Variants in NKD2 observed in about 807,000 individuals in gnomAD.
NKD2 encodes protein naked cuticle homolog 2.
NKD2 carries 43 observed loss-of-function variants against 34.8 expected under a neutral mutation model. That is an observed-to-expected ratio of 1.24 (90% CI 0.97 to 1.60). The LOEUF (loss-of-function observed/expected upper bound fraction) is 1.60, where lower values mean the gene tolerates loss of function less well. NKD2 is among the 40% of genes most tolerant of loss of function. The pLI, the probability that NKD2 is intolerant of heterozygous loss-of-function variation, is 0.00. For synonymous variants in NKD2, 278 were observed against 265.1 expected (o/e 1.05, Z -0.47); for missense variants, 675 against 627.1 (o/e 1.08, Z -0.82).
intron 3 of NKD2, among the ~76,000 whole-genome samples, chr5:1,010,276 T>C (rs1755700371): frequency 1.3e-5 from 2 of 152,172 alleles, no homozygotes; most frequent in Admixed American, 6.5e-5. Context: ...AAGCTAACAT[T>C]TGATGGTCAT....
chr5:1,013,181 G>T (rs1212974513), intron 3 of NKD2, among the ~76,000 whole-genome samples: 7 of 152,224 alleles, frequency 4.6e-5, no homozygotes, highest in African/African-American at 1.7e-4. Flanking sequence ...GGGAGCAGGG[G>T]TGCCTGGGGA....
chr5:1,011,918 A>AAGGGCC (rs1439273344), intron 3 of NKD2, among the ~76,000 whole-genome samples: 3 of 152,198 alleles, frequency 2.0e-5, no homozygotes. Flanking sequence ...AGTGTCCCTG[A>AAGGGCC]AGGGCTAGGG....
rs371845156 is a variant in NKD2 at position 1,037,792 on chromosome 5, C to T, written c.788-13C>T. On this transcript the variant is annotated splice_polypyrimidine_tract_variant and intron_variant, in intron 9 of 9. Transcript: ENST00000296849. ...GCACTCCCAGGGCCTCACACTCTGACCTGTGTCCGCAGGGTCCCCTCCTGT... is the reference window on the plus strand; with the variant it reads ...GCACTCCCAGGGCCTCACACTCTGATCTGTGTCCGCAGGGTCCCCTCCTGT... The T allele has an allele frequency of 1.9e-6, 3 of 1,563,874 alleles. No individual in the cohort carries two copies. Among genetic ancestry groups the T allele is most frequent in the Admixed American group, 1.8e-5 (1 of 56,780 alleles).
At chr5:1,015,313 G>A (rs1214240973) in intron 3 of NKD2, among the ~76,000 whole-genome samples, 1 of 152,246 alleles carries the variant, frequency 6.6e-6, no homozygotes, top group Non-Finnish European at 1.5e-5. Flanking sequence ...GTGGGTGGGA[G>A]TGGGGTCCAC....
At position 1,034,859 on chromosome 5, in the gene NKD2, C is replaced by T; in HGVS notation, c.530C>T (p.Pro177Leu). The change falls in exon 7 of 10, where the codon CCT becomes CTT. Residue 177 changes from proline to leucine, a missense_variant. Physicochemically the swap from Pro to Leu is moderately conservative, Grantham distance 98. Coordinates refer to ENST00000296849, the MANE Select transcript of NKD2 (RefSeq NM_033120.4). The part of the protein sequence containing the change: ...KTLRVKLTVS[P>L]EPSSKRKEGP... The stretch of plus-strand genomic sequence containing the variant: ...CTCCGTGTGAAGCTAACCGTCAGCC[C>T]TGAGCCCTCCAGCAAGAGGAAGGAG... 1 of 1,612,632 alleles carries T rather than the reference C, an allele frequency of 6.2e-7. No homozygotes were observed. The highest frequency in any genetic ancestry group is 1.1e-5 in the South Asian group (1 of 91,034).
In NKD2 at chr5:1,027,054, G is replaced by A. The variant is rs963731446; in HGVS notation, c.142-5098G>A. Among the ~76,000 whole-genome samples the A allele has an allele frequency of 2.0e-5, 3 of 152,370 alleles. No homozygotes were observed. The East Asian group carries it at 5.8e-4, about 29-fold the overall frequency. ...GGTGGTGACAATGACCACAGGACAT[G>A]GGCCAGGCTGTCACCCCGGCCCTTC... is the stretch of plus-strand genomic sequence containing the variant. On this transcript the variant is annotated intron_variant, in intron 3 of 9. Transcript: ENST00000296849.
At position 1,009,528 on chromosome 5, in the gene NKD2, G is replaced by A. The variant is rs1185723710; in HGVS notation, c.109G>A (p.Glu37Lys). The A allele has an allele frequency of 6.7e-7, 1 of 1,494,826 alleles. No homozygotes were observed. Among genetic ancestry groups the A allele is most frequent in the Non-Finnish European group, 8.8e-7 (1 of 1,131,090 alleles). 92.6% of individuals were successfully genotyped at this position (1,494,826 alleles called of 1,614,324 possible). Reference sequence around the variant, plus strand: ...GTACGCGAGCGGCCGCAAAGGCGCGGAGGAAGCGGAGCGGCGCGCGCGGGA... The same window carrying A: ...GTACGCGAGCGGCCGCAAAGGCGCGAAGGAAGCGGAGCGGCGCGCGCGGGA... ...SAYASGRKGA[E>K]EAERRARDKQ... The change falls in exon 3 of 10, where the codon GAG (glutamate) becomes AAG (lysine). Residue 37 changes from glutamate (E) to lysine (K), a missense_variant. Coordinates refer to ENST00000296849, the MANE Select transcript of NKD2 (RefSeq NM_033120.4). This position sits in a 1 kb window ranked among gnomAD's most constrained non-coding sequence, Gnocchi z 6.9.
intron 3 of NKD2, among the ~76,000 whole-genome samples, chr5:1,019,114 G>C (rs1230608313): frequency 6.6e-6 from 1 of 152,120 alleles, no homozygotes; most frequent in Non-Finnish European, 1.5e-5. Flanking sequence ...AGTGACCGGG[G>C]CGGTGGTCCT....
chr5:1,034,932 A>G, intron 7 of NKD2, 29 bp downstream of exon 7: 1 of 1,578,808 alleles, frequency 6.3e-7, no homozygotes, highest in East Asian at 2.3e-5. Flanking sequence ...CACACAGAGG[A>G]CCCTACCCAA....
In NKD2 at chr5:1,009,472, G is replaced by C; in HGVS notation, c.62-9G>C. The C allele has an allele frequency of 6.7e-7, 1 of 1,494,678 alleles. No individual in the cohort carries two copies. Among genetic ancestry groups the C allele is most frequent in the Non-Finnish European group, 8.9e-7 (1 of 1,129,660 alleles). 92.6% of individuals were successfully genotyped at this position (1,494,678 alleles called of 1,614,324 possible). On this transcript the variant is annotated splice_polypyrimidine_tract_variant and intron_variant, in intron 2 of 9. Transcript: ENST00000296849. This position sits in a 1 kb window ranked among gnomAD's most constrained non-coding sequence, Gnocchi z 6.9. ...GCGGGTTTCCCGCGCGTCCGCCCCC[G>C]GACCGCAGGGGACAGCTTCGTGGCG...
At chr5:1,037,616 C>A (rs777200408) in intron 9 of NKD2, 189 bp from the exon 10 acceptor site, 40 of 1,535,768 alleles carry the variant, frequency 2.6e-5, no homozygotes, top group Non-Finnish European at 1.7e-5. Context: ...TGGAGCCAGG[C>A]AGGTCACCCA....
intron 3 of NKD2, among the ~76,000 whole-genome samples, chr5:1,018,062 T>C (rs904708927): frequency 1.2e-4 from 18 of 152,074 alleles, no homozygotes; most frequent in Non-Finnish European, 1.6e-4. Context: ...GCAAAGGCCC[T>C]GAGGCAGGAG....
At chr5:1,023,404 G>T (rs71593114) in intron 3 of NKD2, among the ~76,000 whole-genome samples, 7 of 17,394 alleles carry the variant, frequency 4.0e-4, no homozygotes, top group African/African-American at 9.0e-4. Flanking sequence ...CTTCCCACCC[G>T]CTGTGGGCGT....
At chr5:1,018,066 G>A (rs529433176) in intron 3 of NKD2, among the ~76,000 whole-genome samples, 16 of 152,202 alleles carry the variant, frequency 1.1e-4, no homozygotes, top group African/African-American at 3.1e-4. Flanking sequence ...AGGCCCTGAG[G>A]CAGGAGTAGG....
rs1734163096 is a variant in NKD2 at position 1,038,813 on chromosome 5, T to C, written c.*440T>C. 2.9e-6 allele frequency: 1 copy of C among 350,138 alleles called. No homozygotes were observed. The highest frequency in any genetic ancestry group is 5.4e-6 in the Non-Finnish European group (1 of 183,568). The allele number at this position is 350,138 out of a possible 1,614,324, so 21.7% of individuals were successfully genotyped here. On this transcript the variant is annotated 3_prime_UTR_variant, in exon 10 of 10. Transcript: ENST00000296849. This position sits in a 1 kb window ranked among gnomAD's most constrained non-coding sequence, Gnocchi z 4.5. ...CGAATGGAAAAGCTGAGGCTTTGCCTGGCTTGTGCATCATGAAGTGAGAGG... is the reference window on the plus strand; with the variant it reads ...CGAATGGAAAAGCTGAGGCTTTGCCCGGCTTGTGCATCATGAAGTGAGAGG...
intron 3 of NKD2, among the ~76,000 whole-genome samples, chr5:1,012,883 G>T (rs1361696185): frequency 6.6e-6 from 1 of 152,236 alleles, no homozygotes; most frequent in Non-Finnish European, 1.5e-5. Flanking sequence ...CTTGGTCAGT[G>T]GGAGCAGTTT....
chr5:1,028,011 C>T (rs963401567), intron 3 of NKD2, among the ~76,000 whole-genome samples: 3 of 152,196 alleles, frequency 2.0e-5, no homozygotes, highest in Non-Finnish European at 2.9e-5. Context: ...AGCGCTGGCA[C>T]GTGGGGAACA....
chr5:1,032,384 C>T (rs755241059), intron 4 of NKD2, among the ~76,000 whole-genome samples, 172 bp downstream of exon 4: 6 of 152,242 alleles, frequency 3.9e-5, no homozygotes, highest in East Asian at 1.9e-4. Flanking sequence ...ACAGGGTCCT[C>T]GCTGGACTGG....
chr5:1,036,634 T>C, intron 9 of NKD2: 1 of 619,782 alleles, frequency 1.6e-6, no homozygotes, highest in South Asian at 1.7e-5. Flanking sequence ...GGTGTGTGTA[T>C]GTGGCGGATG....
Sources: gnomAD v4.1 joint callset for allele counts (sites outside exome capture counted in the v4.1 genomes callset) on GRCh38, gnomAD v4.1.1 for gene constraint, Gnocchi (gnomAD v3.1) non-coding constraint, MANE v1.5 for transcripts, NCBI Gene and HGNC (gene_info 2026-07-23, HGNC 2026-07-21) for gene names.